Variants in DYNC1I1 observed in about 807,000 individuals in gnomAD.
DYNC1I1 encodes the protein cytoplasmic dynein 1 intermediate chain 1.
In DYNC1I1, 43 loss-of-function variants were observed where a neutral mutation model predicts 86.6. That is an observed-to-expected ratio of 0.50 (90% CI 0.39 to 0.64). DYNC1I1 has a LOEUF of 0.64. DYNC1I1 is among the 30% of genes least tolerant of loss of function. The pLI, the probability that DYNC1I1 is intolerant of heterozygous loss-of-function variation, is 0.00. For synonymous variants in DYNC1I1, 262 were observed against 283.7 expected, an observed-to-expected ratio of 0.92 and a Z score of 0.77; for missense variants, 604 against 788.8, an observed-to-expected ratio of 0.77 and a Z score of 2.81.
chr7:96,098,377 T>C lies in DYNC1I1; in HGVS notation c.*784T>C. 1 of 985,622 alleles carries C rather than the reference T, an allele frequency of 1.0e-6. No individual in the cohort carries two copies. Among genetic ancestry groups the C allele is most frequent in the Non-Finnish European group, 1.2e-6 (1 of 829,944 alleles). The allele number at this position is 985,622 out of a possible 1,614,324, so 61.1% of individuals were successfully genotyped here. A position where few individuals can be genotyped will look rare whatever the true frequency, so the allele number is the denominator to read the frequency against. The stretch of plus-strand genomic sequence containing the variant: ...GCTAACACAGTCTGACAAAAGTCTA[T>C]GGTTCCTAAATATGACATCAGTGTT... On this transcript the variant is annotated 3_prime_UTR_variant, in exon 17 of 17. Transcript: ENST00000447467.
chr7:95,826,360 T>C (rs1023562621), intron 4 of DYNC1I1, among the ~76,000 whole-genome samples: 14 of 152,158 alleles, frequency 9.2e-5, no homozygotes, highest in Non-Finnish European at 1.9e-4. Flanking sequence ...AGGTCGGGCA[T>C]TGACTCAAAG....
At chr7:96,074,585 T>A (rs1204207327) in intron 14 of DYNC1I1, among the ~76,000 whole-genome samples, 7 of 150,994 alleles carry the variant, frequency 4.6e-5, no homozygotes, top group Admixed American at 4.0e-4. Flanking sequence ...GTTTCTTCAG[T>A]TCTAAGCGGT....
At chr7:95,929,699 G>A (rs1223036463) in intron 6 of DYNC1I1, among the ~76,000 whole-genome samples, 1 of 152,136 alleles carries the variant, frequency 6.6e-6, no homozygotes, top group African/African-American at 2.4e-5. Flanking sequence ...TCCCCCAAGG[G>A]TAACCACTAC....
intron 6 of DYNC1I1, among the ~76,000 whole-genome samples, chr7:95,949,671 A>G (rs1792499827): frequency 6.6e-6 from 1 of 152,224 alleles, no homozygotes; most frequent in Non-Finnish European, 1.5e-5. Flanking sequence ...GTCATTCAGC[A>G]TGGAGCTCTC....
At chr7:95,883,975 T>C (rs1790525687) in intron 6 of DYNC1I1, among the ~76,000 whole-genome samples, 1 of 152,190 alleles carries the variant, frequency 6.6e-6, no homozygotes, top group South Asian at 2.1e-4. Flanking sequence ...TTTAAAAGAA[T>C]AAATTGTTCA....
chr7:95,926,958 G>C lies in DYNC1I1; in HGVS notation c.491-50554G>C, dbSNP rs540287423. On this transcript the variant is annotated intron_variant, in intron 6 of 16. Coordinates refer to ENST00000447467, the MANE Select transcript of DYNC1I1 (RefSeq NM_001135556.2). ...AACTAGTTTTTTCATTTGTTAAGGT[G>C]CTTTGGAATTGTAATCCAAATTTCG... Among the ~76,000 whole-genome samples, 140 of 152,222 alleles carry C rather than the reference G, an allele frequency of 9.2e-4. 2 individuals are homozygous for C. The highest frequency in any genetic ancestry group is 4.6e-4 in the Non-Finnish European group (31 of 68,014).
intron 16 of DYNC1I1, among the ~76,000 whole-genome samples, chr7:96,108,087 T>C (rs1791246803): frequency 6.6e-6 from 1 of 152,172 alleles, no homozygotes; most frequent in South Asian, 2.1e-4. Flanking sequence ...ATGTATGATA[T>C]AAGCTATAGG....
At chr7:95,814,430 A>G (rs1007558789) in intron 4 of DYNC1I1, among the ~76,000 whole-genome samples, 1 of 152,196 alleles carries the variant, frequency 6.6e-6, no homozygotes, top group Non-Finnish European at 1.5e-5. Context: ...CTAAGAAGTC[A>G]GCCTTTTGGC....
chr7:95,811,106 T>C (rs185486329), intron 3 of DYNC1I1, among the ~76,000 whole-genome samples: 10 of 152,320 alleles, frequency 6.6e-5, no homozygotes, highest in African/African-American at 2.2e-4. Flanking sequence ...CATTCCTAGT[T>C]GGTTGTCTGT....
At chr7:95,923,060 C>A (rs1439612387) in intron 6 of DYNC1I1, among the ~76,000 whole-genome samples, 2 of 151,904 alleles carry the variant, frequency 1.3e-5, no homozygotes, top group East Asian at 1.9e-4. Flanking sequence ...TCTTCAGGGA[C>A]CTTCTGTTTT....
intron 4 of DYNC1I1, among the ~76,000 whole-genome samples, chr7:95,816,375 A>G (rs1353059810): frequency 6.6e-6 from 1 of 152,190 alleles, no homozygotes; most frequent in Non-Finnish European, 1.5e-5. Flanking sequence ...ATGGGTAGAG[A>G]GTAGAAATAT....
At chr7:96,057,027 G>T (rs1292692109) in intron 14 of DYNC1I1, among the ~76,000 whole-genome samples, 1 of 152,122 alleles carries the variant, frequency 6.6e-6, no homozygotes, top group Non-Finnish European at 1.5e-5. Flanking sequence ...TTTTAGACAG[G>T]TGTCTAACCA....
At chr7:96,092,567 G>C (rs570538559) in intron 16 of DYNC1I1, among the ~76,000 whole-genome samples, 2 of 152,254 alleles carry the variant, frequency 1.3e-5, no homozygotes, top group Non-Finnish European at 2.9e-5. Flanking sequence ...CACAGTCTGT[G>C]CCTCCCTTTA....
intron 5 of DYNC1I1, among the ~76,000 whole-genome samples, chr7:95,836,008 T>C (rs1789077524): frequency 6.6e-6 from 1 of 152,224 alleles, no homozygotes; most frequent in Non-Finnish European, 1.5e-5. Flanking sequence ...AATTTGATCC[T>C]GTCATGATGA....
chr7:95,874,880 C>T (rs1250792784), intron 6 of DYNC1I1, among the ~76,000 whole-genome samples: 1 of 152,214 alleles, frequency 6.6e-6, no homozygotes. Context: ...CCTGAGCAGA[C>T]TAAGACAGCA....
In DYNC1I1 at chr7:95,891,933, G is replaced by A. The variant is rs1326237725; in HGVS notation, c.490+21935G>A. Among the ~76,000 whole-genome samples, 5 of 151,382 alleles carry A rather than the reference G, an allele frequency of 3.3e-5. No homozygotes were observed. The East Asian group carries it at 9.9e-4, about 30-fold the overall frequency. The stretch of plus-strand genomic sequence containing the variant: ...GGTTATTGTCCCCTACACAGTACAT[G>A]TTAGTTGTAAGTTCTGGTAAATTTT... On this transcript the variant is annotated intron_variant, in intron 6 of 16. Transcript: ENST00000447467.
intron 6 of DYNC1I1, among the ~76,000 whole-genome samples, chr7:95,970,446 T>C (rs920474709): frequency 1.3e-5 from 2 of 152,148 alleles, no homozygotes; most frequent in Non-Finnish European, 2.9e-5. Flanking sequence ...GGTCAAGCCA[T>C]CCCCAGAGAG....
At chr7:95,835,871 C>A (rs1335117628) in intron 5 of DYNC1I1, among the ~76,000 whole-genome samples, 1 of 152,118 alleles carries the variant, frequency 6.6e-6, no homozygotes, top group African/African-American at 2.4e-5. Context: ...TGTGTCTCTG[C>A]ATGTGAGATG....
At chr7:96,042,751 C>T (rs1164707157) in intron 14 of DYNC1I1, among the ~76,000 whole-genome samples, 2 of 152,076 alleles carry the variant, frequency 1.3e-5, no homozygotes, top group Non-Finnish European at 2.9e-5. Flanking sequence ...TTTTGAAAAC[C>T]AGTGAGTAAA....
Sources: allele counts gnomAD v4.1 joint callset (sites outside exome capture counted in the v4.1 genomes callset), GRCh38; gene constraint gnomAD v4.1.1; transcripts MANE v1.5; gene names NCBI Gene and HGNC (gene_info 2026-07-23, HGNC 2026-07-21).